ARMC7: variants seen among roughly 807,000 people sequenced by gnomAD.
ARMC7 encodes armadillo repeat containing 7.
A neutral mutation model predicts 14.8 loss-of-function variants in ARMC7; 9 were observed. The ratio of observed to expected loss-of-function variants is 0.61; its 90% confidence interval spans 0.37 to 1.06. ARMC7 has a LOEUF of 1.06. Ranked by LOEUF, ARMC7 falls within the 50% of genes least tolerant of loss-of-function variation. The pLI is 0.01. For missense variants in ARMC7, 262 were observed against 267.1 expected (o/e 0.98, Z 0.13); for synonymous variants, 125 against 123.4 (o/e 1.01, Z -0.09).
intron 2 of ARMC7, among the ~76,000 whole-genome samples, chr17:75,118,515 G>A (rs2073988697): frequency 1.3e-5 from 2 of 152,192 alleles, no homozygotes; most frequent in South Asian, 4.1e-4. Context: ...TCAGTTGCCC[G>A]CCGTCGGCAC....
At chr17:75,123,730 G>A (rs925118387) in intron 2 of ARMC7, among the ~76,000 whole-genome samples, 2 of 152,064 alleles carry the variant, frequency 1.3e-5, no homozygotes, top group Non-Finnish European at 2.9e-5. Context: ...GGCCAACATG[G>A]TGAAACCCCC....
chr17:75,110,740 A>ATCACCTGAGG (rs1376033512), intron 2 of ARMC7, 134 bp downstream of exon 2: 1 of 1,228,034 alleles, frequency 8.1e-7, no homozygotes, highest in Non-Finnish European at 1.1e-6. Context: ...AGGCGGGCGG[A>ATCACCTGAGG]TCACCTGAGG....
Position 75,110,397 on chromosome 17 carries a change from A to C in ARMC7, c.91+18A>C. ...AAGCCAAGGTGAGAGCCACGGTGGG[A>C]TCAGGTGGCAGGGTCCGCTGTGACC... On this transcript the variant is annotated intron_variant, in intron 1 of 2. Coordinates refer to ENST00000245543, the MANE Select transcript of ARMC7 (RefSeq NM_024585.4). 6.2e-7 allele frequency: 1 copy of C among 1,614,114 alleles called. No individual in the cohort carries two copies. The highest frequency in any genetic ancestry group is 8.5e-7 in the Non-Finnish European group (1 of 1,180,020).
chr17:75,128,430 T>C (rs534769550), intron 2 of ARMC7, among the ~76,000 whole-genome samples: 3 of 152,258 alleles, frequency 2.0e-5, no homozygotes, highest in Non-Finnish European at 2.9e-5. Flanking sequence ...GTATCAGCCA[T>C]TGAACTTGCT....
At chr17:75,112,115 G>T (rs1196886626) in intron 2 of ARMC7, among the ~76,000 whole-genome samples, 1 of 146,712 alleles carries the variant, frequency 6.8e-6, no homozygotes, top group Non-Finnish European at 1.5e-5. Flanking sequence ...CATGGGCAAA[G>T]GCCTTAAAAC....
At chr17:75,113,533 T>G (rs1025019289) in intron 2 of ARMC7, among the ~76,000 whole-genome samples, 2 of 150,924 alleles carry the variant, frequency 1.3e-5, no homozygotes, top group Non-Finnish European at 2.9e-5. Flanking sequence ...TTTTTTGTAC[T>G]TTTAGTAGAG....
At chr17:75,127,054 T>G in intron 2 of ARMC7, among the ~76,000 whole-genome samples, 1 of 86,526 alleles carries the variant, frequency 1.2e-5, no homozygotes. Flanking sequence ...AGGGCAAAAC[T>G]GTCTCAAAAA....
intron 2 of ARMC7, among the ~76,000 whole-genome samples, chr17:75,117,891 C>T (rs373211311): frequency 1.2e-4 from 19 of 152,162 alleles, no homozygotes; most frequent in African/African-American, 4.1e-4. Flanking sequence ...GAGGCTGAGG[C>T]GGGTGGATCA....
intron 2 of ARMC7, among the ~76,000 whole-genome samples, chr17:75,118,215 C>G (rs745805737): frequency 6.6e-6 from 1 of 152,074 alleles, no homozygotes; most frequent in Non-Finnish European, 1.5e-5. Flanking sequence ...TTTAAGCTAA[C>G]TATTACCTTC....
intron 2 of ARMC7, among the ~76,000 whole-genome samples, chr17:75,122,122 A>G (rs2074017941): frequency 6.6e-6 from 1 of 151,950 alleles, no homozygotes; most frequent in Non-Finnish European, 1.5e-5. Flanking sequence ...TCACAGGGTC[A>G]GGAGTTCAAG....
intron 2 of ARMC7, among the ~76,000 whole-genome samples, chr17:75,126,625 A>G (rs2074053287): frequency 6.6e-6 from 1 of 150,482 alleles, no homozygotes; most frequent in Non-Finnish European, 1.5e-5. Context: ...TCGTTTGCTC[A>G]GGCTGGAGTG....
intron 2 of ARMC7, among the ~76,000 whole-genome samples, chr17:75,120,349 T>C (rs2074004435): frequency 6.6e-6 from 1 of 152,168 alleles, no homozygotes; most frequent in Non-Finnish European, 1.5e-5. Flanking sequence ...CATCTTGCTT[T>C]CATGTGGGGT....
intron 2 of ARMC7, among the ~76,000 whole-genome samples, chr17:75,128,233 C>A (rs545569710): frequency 6.6e-6 from 1 of 152,022 alleles, no homozygotes; most frequent in African/African-American, 2.4e-5. Context: ...TGCCACCACA[C>A]CCGGCTAATT....
chr17:75,128,999 TATCCCACTGCCGAGGAGCGTG>T lies in ARMC7; in HGVS notation c.559_579del (p.Ile187_Val193del). 6.2e-7 allele frequency: 1 copy of T among 1,600,170 alleles called. No homozygotes were observed. The highest frequency in any genetic ancestry group is 1.1e-5 in the South Asian group (1 of 90,962). ...GCCGGCAGGCGCACTCTGCCCTGGG[TATCCCACTGCCGAGGAGCGTG>T]GCCCCACGGCAGCGCTGATCCATGG... On this transcript the variant is annotated inframe_deletion, in exon 3 of 3. Transcript: ENST00000245543.
intron 2 of ARMC7, among the ~76,000 whole-genome samples, chr17:75,121,916 C>G (rs1377392200): frequency 6.6e-6 from 1 of 152,124 alleles, no homozygotes; most frequent in African/African-American, 2.4e-5. Context: ...TTGATGTGTT[C>G]TGGATACCAG....
chr17:75,113,102 T>C (rs185531148), intron 2 of ARMC7, among the ~76,000 whole-genome samples: 3 of 151,842 alleles, frequency 2.0e-5, no homozygotes, highest in Admixed American at 1.3e-4. Context: ...CTCAGCTCAC[T>C]GCAACCTCTG....
At chr17:75,114,620 A>G (rs1397007097) in intron 2 of ARMC7, 12 of 395,782 alleles carry the variant, frequency 3.0e-5, no homozygotes, top group Non-Finnish European at 4.9e-5. Flanking sequence ...GTGTCTGTGC[A>G]TCTGTGTCTC....
rs2074076558 is a variant in ARMC7, at chr17:75,128,928, T to C, written c.487T>C (p.Phe163Leu). ...SARLRNLAQI[F>L]LEDFCSPRQV... ...CAGGCTCCGGAACCTGGCACAGATC[T>C]TCCTGGAGGACTTCTGCTCCCCCCG... is the stretch of plus-strand genomic sequence containing the variant. Residue 163 changes from phenylalanine (F) to leucine (L), a missense_variant, in exon 3 of 3, where the codon TTC (phenylalanine) becomes CTC (leucine). Transcript: ENST00000245543. 3 of 1,608,280 alleles carry C rather than the reference T, an allele frequency of 1.9e-6. No individual in the cohort carries two copies. Among genetic ancestry groups the C allele is most frequent in the African/African-American group, 1.3e-5 (1 of 74,928 alleles).
At chr17:75,111,841 T>C (rs1397472059) in intron 2 of ARMC7, among the ~76,000 whole-genome samples, 4 of 151,622 alleles carry the variant, frequency 2.6e-5, no homozygotes, top group South Asian at 4.1e-4. Flanking sequence ...TCTTAAGACC[T>C]ATTGAGTTAT....
Sources: gnomAD v4.1 joint callset for allele counts (sites outside exome capture counted in the v4.1 genomes callset) on GRCh38, gnomAD v4.1.1 for gene constraint, MANE v1.5 for transcripts, NCBI Gene and HGNC (gene_info 2026-07-23, HGNC 2026-07-21) for gene names.